Variants in ANXA10 observed in about 807,000 individuals in gnomAD.
ANXA10 encodes annexin 14.
Under a neutral mutation model 53.5 loss-of-function variants are expected in ANXA10, and 49 were observed. That is an observed-to-expected ratio of 0.92 (90% CI 0.73 to 1.16). ANXA10 has a LOEUF of 1.16. Among genes scored for constraint, ANXA10 ranks in the 50% most tolerant of loss-of-function variants. The pLI is 0.00. For missense variants in ANXA10, 393 were observed against 394.4 expected, an observed-to-expected ratio of 1.00 and a Z score of 0.03; for synonymous variants, 131 against 128.9, an observed-to-expected ratio of 1.02 and a Z score of -0.11.
chr4:168,095,955 C>T (rs934374649), intron 1 of ANXA10, among the ~76,000 whole-genome samples: 1 of 152,000 alleles, frequency 6.6e-6, no homozygotes, highest in Non-Finnish European at 1.5e-5. Flanking sequence ...CTCAAGAGCA[C>T]GAAAGTCAGG....
At chr4:168,093,580 G>C (rs1363010145) in intron 1 of ANXA10, among the ~76,000 whole-genome samples, 2 of 152,158 alleles carry the variant, frequency 1.3e-5, no homozygotes, top group Non-Finnish European at 2.9e-5. Flanking sequence ...AGGAGACTGA[G>C]GCAAGAGAAT....
intron 10 of ANXA10, among the ~76,000 whole-genome samples, chr4:168,181,978 G>A (rs181833790): frequency 1.4e-4 from 21 of 152,252 alleles, no homozygotes; most frequent in Non-Finnish European, 2.9e-4. Context: ...GTATCTCCCT[G>A]TGCACTTTAG....
chr4:168,121,132 G>A (rs1000948289), intron 1 of ANXA10, among the ~76,000 whole-genome samples: 1 of 152,010 alleles, frequency 6.6e-6, no homozygotes, highest in Admixed American at 6.6e-5. Flanking sequence ...TGAGTAGTGA[G>A]ACTGAGGGTT....
At chr4:168,141,166 C>T (rs1464527273) in intron 3 of ANXA10, among the ~76,000 whole-genome samples, 1 of 152,138 alleles carries the variant, frequency 6.6e-6, no homozygotes, top group South Asian at 2.1e-4. Flanking sequence ...GTTTGTTAAA[C>T]CCTCAGTTTT....
intron 2 of ANXA10, among the ~76,000 whole-genome samples, chr4:168,136,710 G>A (rs2149471522): frequency 6.6e-6 from 1 of 152,274 alleles, no homozygotes; most frequent in African/African-American, 2.4e-5. Context: ...TGCTTTTCCA[G>A]GTGCATGGTG....
In ANXA10 at chr4:168,139,637, C is replaced by T. The variant is rs1731295885; in HGVS notation, c.195+57C>T. 5 of 1,330,688 alleles carry T rather than the reference C, an allele frequency of 3.8e-6. No homozygotes were observed. In the African/African-American group the frequency reaches 4.4e-5, roughly 12 times the overall value. The allele number at this position is 1,330,688 out of a possible 1,614,324, so 82.4% of individuals were successfully genotyped here. On this transcript the variant is annotated intron_variant, in intron 3 of 11. Coordinates refer to ENST00000359299, the MANE Select transcript of ANXA10 (RefSeq NM_007193.5). The stretch of plus-strand genomic sequence containing the variant: ...GGCAATCTCTTGAGAACTAACCACA[C>T]TCACGGATAATAGGTATTTTTTTTT...
chr4:168,181,704 C>T lies in ANXA10; in HGVS notation c.746C>T (p.Pro249Leu). The T allele has an allele frequency of 6.2e-7, 1 of 1,604,260 alleles. No homozygotes were observed. Among genetic ancestry groups the T allele is most frequent in the African/African-American group, 1.3e-5 (1 of 74,850 alleles). Residue 249 changes from proline to leucine, a missense_variant, in exon 10 of 12, where the codon CCA becomes CTA. Coordinates refer to ENST00000359299, the MANE Select transcript of ANXA10 (RefSeq NM_007193.5). ...VAIVLCVRDKPAYFAYRLYSA... is the reference protein window; with the variant it reads ...VAIVLCVRDKLAYFAYRLYSA... ...CTAGTTCTCTGTGTTCGAGACAAACCAGCCTATTTTGCTTATAGATTATAT... is the reference window on the plus strand; with the variant it reads ...CTAGTTCTCTGTGTTCGAGACAAACTAGCCTATTTTGCTTATAGATTATAT...
chr4:168,130,867 C>T (rs957475359), intron 2 of ANXA10, among the ~76,000 whole-genome samples: 4 of 150,400 alleles, frequency 2.7e-5, no homozygotes, highest in Non-Finnish European at 3.0e-5. Context: ...TCTCTCTCTC[C>T]CTCTCTTGCT....
At chr4:168,164,676 C>T (rs757142542) in intron 5 of ANXA10, among the ~76,000 whole-genome samples, 2 of 152,126 alleles carry the variant, frequency 1.3e-5, no homozygotes, top group Non-Finnish European at 2.9e-5. Flanking sequence ...CTTCGCTTTA[C>T]ATAAATTTCA....
intron 6 of ANXA10, among the ~76,000 whole-genome samples, chr4:168,171,383 C>A (rs1731984214): frequency 6.6e-6 from 1 of 152,134 alleles, no homozygotes; most frequent in Non-Finnish European, 1.5e-5. Flanking sequence ...CAATTCCTTT[C>A]CAAAACAAAT....
rs561985783 is a variant in ANXA10, at chr4:168,127,711, C to T, written c.19-373C>T. The T allele has an allele frequency of 4.0e-5, 18 of 454,100 alleles. No individual in the cohort carries two copies. In the East Asian group the frequency reaches 8.7e-4, roughly 22 times the overall value. 28.1% of individuals were successfully genotyped at this position (454,100 alleles called of 1,614,324 possible). On this transcript the variant is annotated intron_variant, in intron 1 of 11. Coordinates refer to ENST00000359299, the MANE Select transcript of ANXA10 (RefSeq NM_007193.5). The stretch of plus-strand genomic sequence containing the variant: ...CCAAATTTTCTCTCTGCAATTGACA[C>T]ACAAGTAAGGCGTTTGTTTAACAGG...
intron 6 of ANXA10, among the ~76,000 whole-genome samples, chr4:168,167,040 GTCTAT>G (rs1395596582): frequency 6.6e-6 from 1 of 152,050 alleles, no homozygotes; most frequent in Admixed American, 6.6e-5. Flanking sequence ...GTAGATAATT[GTCTAT>G]TCTTTCATCC....
chr4:168,178,126 T>G (rs1732168977), intron 8 of ANXA10, 143 bp downstream of exon 8: 1 of 690,252 alleles, frequency 1.4e-6, no homozygotes, highest in African/African-American at 1.8e-5. Context: ...GAATTTTGTT[T>G]ATAAGATGTG....
intron 1 of ANXA10, among the ~76,000 whole-genome samples, chr4:168,119,746 A>G (rs974193339): frequency 1.5e-4 from 23 of 152,170 alleles, no homozygotes; most frequent in African/African-American, 5.5e-4. Flanking sequence ...TACACAAAGC[A>G]TGATTTCTAA....
At chr4:168,155,546 TA>T (rs1267270247) in intron 3 of ANXA10, among the ~76,000 whole-genome samples, 5 of 36,558 alleles carry the variant, frequency 1.4e-4, no homozygotes, top group African/African-American at 4.7e-4. Context: ...TTATATATTA[TA>T]AAATATATAA....
chr4:168,103,590 C>T (rs575708960), intron 1 of ANXA10, among the ~76,000 whole-genome samples: 1 of 151,872 alleles, frequency 6.6e-6, no homozygotes, highest in Admixed American at 6.6e-5. Context: ...AATCAGTTAG[C>T]ATTACTCCTA....
At chr4:168,181,976 C>T (rs1732257527) in intron 10 of ANXA10, among the ~76,000 whole-genome samples, 1 of 152,158 alleles carries the variant, frequency 6.6e-6, no homozygotes, top group African/African-American at 2.4e-5. Flanking sequence ...GTGTATCTCC[C>T]TGTGCACTTT....
At chr4:168,094,475 C>CACTA (rs1730511625) in intron 1 of ANXA10, among the ~76,000 whole-genome samples, 1 of 151,874 alleles carries the variant, frequency 6.6e-6, no homozygotes, top group Non-Finnish European at 1.5e-5. Context: ...CTAAAAAGGC[C>CACTA]AATATTTGAG....
At chr4:168,092,827 GT>G in intron 1 of ANXA10, 109 bp downstream of exon 1, 8 of 1,025,774 alleles carry the variant, frequency 7.8e-6, no homozygotes, top group Non-Finnish European at 1.1e-5. Context: ...GTTCTAATTT[GT>G]TTTTATTCTT....
Sources: gnomAD v4.1 joint callset for allele counts (sites outside exome capture counted in the v4.1 genomes callset) on GRCh38, gnomAD v4.1.1 for gene constraint, MANE v1.5 for transcripts, NCBI Gene and HGNC (gene_info 2026-07-23, HGNC 2026-07-21) for gene names.